The following SLX4IP variants were observed in gnomAD, a reference collection of about 807,000 sequenced individuals.
SLX4IP encodes the protein protein SLX4IP.
SLX4IP carries 34 observed loss-of-function variants against 32.9 expected under a neutral mutation model. The ratio of observed to expected loss-of-function variants is 1.03; its 90% CI spans 0.79 to 1.38. The LOEUF is 1.38. SLX4IP is among the 40% of genes most tolerant of loss of function. The probability of loss-of-function intolerance (pLI) is 0.00; values close to 1 mark genes in which losing one functional copy is unlikely to be tolerated. For missense variants in SLX4IP, 444 were observed against 479.0 expected (o/e 0.93, Z 0.68); for synonymous variants, 172 against 171.7 (o/e 1.00, Z -0.01).
intron 2 of SLX4IP, among the ~76,000 whole-genome samples, chr20:10,464,761 T>G (rs2065366144): frequency 7.4e-6 from 1 of 135,662 alleles, no homozygotes; most frequent in South Asian, 2.3e-4. Context: ...CTGACCTTCC[T>G]GCATATGAAT....
At chr20:10,510,932 G>A (rs1026501732) in intron 2 of SLX4IP, among the ~76,000 whole-genome samples, 1 of 152,128 alleles carries the variant, frequency 6.6e-6, no homozygotes, top group African/African-American at 2.4e-5. Context: ...ATGGGCCCAG[G>A]GTGAATGGAC....
chr20:10,532,042 CA>C (rs1352841876), intron 2 of SLX4IP, among the ~76,000 whole-genome samples: 7 of 152,140 alleles, frequency 4.6e-5, no homozygotes, highest in Admixed American at 3.9e-4. Flanking sequence ...TTGCAACTGC[CA>C]GCAGGAATTT....
chr20:10,585,955 C>A (rs2066641071), intron 4 of SLX4IP, among the ~76,000 whole-genome samples: 1 of 152,002 alleles, frequency 6.6e-6, no homozygotes, highest in South Asian at 2.1e-4. Context: ...TGATCCTCAT[C>A]TCTAAAGCTT....
At chr20:10,489,677 G>A (rs2065604269) in intron 2 of SLX4IP, among the ~76,000 whole-genome samples, 2 of 152,166 alleles carry the variant, frequency 1.3e-5, no homozygotes, top group South Asian at 4.1e-4. Flanking sequence ...TAGGCTTAGG[G>A]ATAGAATTTA....
chr20:10,562,631 G>A (rs976446004), intron 4 of SLX4IP, among the ~76,000 whole-genome samples: 1 of 152,148 alleles, frequency 6.6e-6, no homozygotes, highest in African/African-American at 2.4e-5. Context: ...AGGTCTGTGG[G>A]CACAGGCCCA....
chr20:10,437,417 T>G (rs1389389162), intron 1 of SLX4IP, among the ~76,000 whole-genome samples: 1 of 152,234 alleles, frequency 6.6e-6, no homozygotes, highest in Non-Finnish European at 1.5e-5. Flanking sequence ...ACCCTCTGGA[T>G]GAAATTAAAG....
rs114337193 is a variant in SLX4IP, at chr20:10,525,512, C to G, written c.28-30719C>G. Among the ~76,000 whole-genome samples, 3 of 152,178 alleles carry G rather than the reference C, an allele frequency of 2.0e-5. No individual in the cohort carries two copies. The South Asian group carries it at 6.2e-4, about 32-fold the overall frequency. ...TATATAAGTATTTTTACCGCTTAGC[C>G]GAACTATATACCATGAATACATTTT... On this transcript the variant is annotated intron_variant, in intron 2 of 7. Coordinates refer to ENST00000334534, the MANE Select transcript of SLX4IP (RefSeq NM_001009608.3).
chr20:10,569,553 A>G (rs534595377), intron 4 of SLX4IP, among the ~76,000 whole-genome samples: 3 of 152,284 alleles, frequency 2.0e-5, no homozygotes, highest in Admixed American at 1.3e-4. Flanking sequence ...CTTAACTAAC[A>G]GAAATTTATT....
chr20:10,548,894 G>T (rs1169855953), intron 2 of SLX4IP, among the ~76,000 whole-genome samples: 2 of 152,082 alleles, frequency 1.3e-5, no homozygotes, highest in African/African-American at 4.8e-5. Flanking sequence ...TTTTGCAATT[G>T]GACTAAATAT....
chr20:10,504,147 C>T (rs971162692), intron 2 of SLX4IP, among the ~76,000 whole-genome samples: 4 of 152,166 alleles, frequency 2.6e-5, no homozygotes, highest in African/African-American at 9.7e-5. Flanking sequence ...TTTCCTTTGA[C>T]AGCCTTGAGC....
At chr20:10,492,975 C>G (rs915954930) in intron 2 of SLX4IP, among the ~76,000 whole-genome samples, 2 of 149,586 alleles carry the variant, frequency 1.3e-5, no homozygotes, top group African/African-American at 2.5e-5. Flanking sequence ...TATCACAAGT[C>G]TTTTTTTTTT....
chr20:10,525,832 T>C (rs775573964), intron 2 of SLX4IP, among the ~76,000 whole-genome samples: 2 of 152,248 alleles, frequency 1.3e-5, no homozygotes, highest in Non-Finnish European at 2.9e-5. Flanking sequence ...TCTTCTGTGT[T>C]AGATTCTCCT....
At chr20:10,581,424 A>T (rs1169373134) in intron 4 of SLX4IP, among the ~76,000 whole-genome samples, 1 of 152,226 alleles carries the variant, frequency 6.6e-6, no homozygotes, top group Non-Finnish European at 1.5e-5. Flanking sequence ...GCACAAGTCC[A>T]GGAAGAAAAG....
At chr20:10,543,463 C>G (rs1467436801) in intron 2 of SLX4IP, among the ~76,000 whole-genome samples, 1 of 152,142 alleles carries the variant, frequency 6.6e-6, no homozygotes, top group Non-Finnish European at 1.5e-5. Context: ...GTAAACTGCC[C>G]AGTGTCTGAA....
intron 2 of SLX4IP, among the ~76,000 whole-genome samples, chr20:10,475,984 G>A (rs915796099): frequency 1.3e-5 from 2 of 152,214 alleles, no homozygotes. Context: ...GGCCTCGGGG[G>A]CATCCAAGAG....
chr20:10,464,405 G>A (rs1049496575), intron 2 of SLX4IP, among the ~76,000 whole-genome samples: 5 of 152,140 alleles, frequency 3.3e-5, no homozygotes, highest in African/African-American at 7.2e-5. Flanking sequence ...TGTAGGCTGC[G>A]TACAGTGGTT....
chr20:10,551,100 T>A (rs2066213831), intron 2 of SLX4IP, among the ~76,000 whole-genome samples: 1 of 152,220 alleles, frequency 6.6e-6, no homozygotes, highest in South Asian at 2.1e-4. Flanking sequence ...TTTTCACCTT[T>A]ATTCTTATAT....
At chr20:10,493,228 C>T (rs866598321) in intron 2 of SLX4IP, among the ~76,000 whole-genome samples, 3 of 152,094 alleles carry the variant, frequency 2.0e-5, no homozygotes, top group Non-Finnish European at 2.9e-5. Context: ...ATATTGAGTT[C>T]GTAGATTAAT....
In SLX4IP at chr20:10,625,691, C is replaced by G. The variant is rs1481775387; in HGVS notation, c.*2312C>G. On this transcript the variant is annotated 3_prime_UTR_variant, in exon 8 of 8. Transcript: ENST00000334534. Reference sequence around the variant, plus strand: ...TGTGATCGAAGAGAAAAAATAGCACCTTTGGTTGTAGATAGATGTAGTTTT... The same window carrying G: ...TGTGATCGAAGAGAAAAAATAGCACGTTTGGTTGTAGATAGATGTAGTTTT... The G allele has an allele frequency of 6.6e-6, 1 of 152,112 alleles. No homozygotes were observed. Among genetic ancestry groups the G allele is most frequent in the African/African-American group, 2.4e-5 (1 of 41,382 alleles). The allele number at this position is 152,112 out of a possible 1,614,324, so 9.4% of individuals were successfully genotyped here. A position where few individuals can be genotyped will look rare whatever the true frequency, so the allele number is the denominator to read the frequency against.
Sources: allele counts gnomAD v4.1 joint callset (sites outside exome capture counted in the v4.1 genomes callset), GRCh38; gene constraint gnomAD v4.1.1; transcripts MANE v1.5; gene names NCBI Gene and HGNC (gene_info 2026-07-23, HGNC 2026-07-21).